The following CNNM2 variants were observed in gnomAD, a reference collection of about 807,000 sequenced individuals.
CNNM2 encodes the protein cyclin and CBS domain divalent metal cation transport mediator 2, also known as metal transporter CNNM2.
Under a neutral mutation model 66.9 loss-of-function variants are expected in CNNM2, and 12 were observed. The ratio of observed to expected loss-of-function variants is 0.18; its 90% CI spans 0.11 to 0.29. CNNM2 has a LOEUF of 0.29. Ranked by LOEUF, CNNM2 falls within the 10% of genes least tolerant of loss-of-function variation. CNNM2 has a pLI of 1.00. For synonymous variants in CNNM2, 557 were observed against 501.8 expected (o/e 1.11, Z -1.47); for missense variants, 705 against 1,167.7 (o/e 0.60, Z 5.77).
intron 1 of CNNM2, among the ~76,000 whole-genome samples, chr10:103,030,582 G>A (rs1234591403): frequency 6.6e-6 from 1 of 152,120 alleles, no homozygotes; most frequent in Non-Finnish European, 1.5e-5. Flanking sequence ...CAGGCGTGGT[G>A]GCACACCTGT....
chr10:102,987,580 C>T (rs2063820922), intron 1 of CNNM2, among the ~76,000 whole-genome samples: 1 of 152,044 alleles, frequency 6.6e-6, no homozygotes. Flanking sequence ...CTCGGCCTCC[C>T]AAAGTGCTGG....
intron 6 of CNNM2, among the ~76,000 whole-genome samples, chr10:103,075,371 A>G (rs1486272752): frequency 6.6e-6 from 1 of 152,158 alleles, no homozygotes. Context: ...AGCCACAGTG[A>G]ACTTCCATTT....
At chr10:103,012,362 C>T (rs2064359391) in intron 1 of CNNM2, among the ~76,000 whole-genome samples, 2 of 152,048 alleles carry the variant, frequency 1.3e-5, no homozygotes, top group Non-Finnish European at 1.5e-5. Flanking sequence ...TTCTTATTGC[C>T]AGGCTGGGCA....
chr10:103,064,151 C>T (rs557421942), intron 4 of CNNM2, among the ~76,000 whole-genome samples: 40 of 152,240 alleles, frequency 2.6e-4, no homozygotes, highest in African/African-American at 9.2e-4. Flanking sequence ...TAATCTGTTG[C>T]AACTTTATAT....
intron 1 of CNNM2, among the ~76,000 whole-genome samples, chr10:102,933,195 G>T (rs1180318641): frequency 6.6e-6 from 1 of 152,136 alleles, no homozygotes; most frequent in African/African-American, 2.4e-5. Context: ...TTACATAGGG[G>T]CATTGCATCT....
rs2064060778 is a variant in CNNM2, at chr10:102,999,074, TTCTTTTTTTTTTTTGAGACGGAG to T, written c.1622-50628_1622-50606del. 4.0e-5 allele frequency among the ~76,000 whole-genome samples: 6 copies of T among 149,166 alleles called. No homozygotes were observed. The South Asian group carries it at 1.3e-3, about 32-fold the overall frequency. ...CAAAAAAATCGCTTATATTTCTTTT[TTCTTTTTTTTTTTTGAGACGGAG>T]TCTTGCTCTGTCTCCCAGGCTTGAG... On this transcript the variant is annotated intron_variant, in intron 1 of 7. Transcript: ENST00000369878.
chr10:102,945,389 C>A (rs568584675), intron 1 of CNNM2, among the ~76,000 whole-genome samples: 2 of 152,124 alleles, frequency 1.3e-5, no homozygotes, highest in African/African-American at 4.8e-5. Context: ...TCTTAGTGAC[C>A]CCTAACCAAT....
intron 4 of CNNM2, among the ~76,000 whole-genome samples, chr10:103,067,286 T>C (rs1012685785): frequency 3.9e-5 from 6 of 151,996 alleles, no homozygotes; most frequent in Non-Finnish European, 7.4e-5. Context: ...CAGGCTGATC[T>C]TGAACTCCTG....
intron 1 of CNNM2, among the ~76,000 whole-genome samples, chr10:102,932,917 A>C (rs547015945): frequency 9.5e-6 from 1 of 105,178 alleles, no homozygotes; most frequent in Non-Finnish European, 2.3e-5. Context: ...ACTCTGTCTC[A>C]AAAAAAAAAA....
intron 1 of CNNM2, among the ~76,000 whole-genome samples, chr10:102,978,725 C>T (rs1171526038): frequency 6.6e-6 from 1 of 152,134 alleles, no homozygotes; most frequent in African/African-American, 2.4e-5. Flanking sequence ...TGTGTGTGAC[C>T]AGCGCCCAGA....
Position 103,049,784 on chromosome 10 carries a change from G to A in CNNM2, c.1699G>A (p.Val567Ile), listed in dbSNP as rs1402194113. ...TCCATTTTATGAAGTTCTGGGAATCGTCACCTTAGAAGATGTGATTGAAGA... is the reference window on the plus strand; with the variant it reads ...TCCATTTTATGAAGTTCTGGGAATCATCACCTTAGAAGATGTGATTGAAGA... ...GDPFYEVLGI[V>I]TLEDVIEEII... The change falls in exon 2 of 8, where the codon GTC becomes ATC. Residue 567 changes from valine to isoleucine, a missense_variant. Val to Ile is a conservative substitution (Grantham distance 29). Around this residue, in one of 9 missense-constraint regions of CNNM2, gnomAD observed 171 missense variants for 304.8 expected, o/e 0.56. Coordinates refer to ENST00000369878, the MANE Select transcript of CNNM2 (RefSeq NM_017649.5). 1.9e-6 allele frequency: 3 copies of A among 1,613,588 alleles called. No homozygotes were observed. The highest frequency in any genetic ancestry group is 1.7e-5 in the Admixed American group (1 of 60,000).
At chr10:102,926,864 C>A (rs1414172681) in intron 1 of CNNM2, among the ~76,000 whole-genome samples, 2 of 151,868 alleles carry the variant, frequency 1.3e-5, no homozygotes, top group African/African-American at 4.8e-5. Flanking sequence ...TACAGGCACC[C>A]GCTGCCATGC....
chr10:102,977,673 T>C (rs1218548561), intron 1 of CNNM2, among the ~76,000 whole-genome samples: 2 of 152,076 alleles, frequency 1.3e-5, no homozygotes. Context: ...ATGCAAAAAT[T>C]AGCCGAGTGT....
At chr10:102,981,969 C>T (rs2063727631) in intron 1 of CNNM2, among the ~76,000 whole-genome samples, 1 of 151,860 alleles carries the variant, frequency 6.6e-6, no homozygotes, top group Admixed American at 6.6e-5. Flanking sequence ...GTGCTTTTCT[C>T]ATGGTAACAG....
At chr10:102,954,126 C>CTTTTTTTTTTTTTTT (rs35543663) in intron 1 of CNNM2, among the ~76,000 whole-genome samples, 1 of 133,078 alleles carries the variant, frequency 7.5e-6, no homozygotes. Context: ...CTTTTCTTTT[C>CTTTTTTTTTTTTTTT]TTTTTTTTTT....
At chr10:102,965,168 A>G (rs1055542147) in intron 1 of CNNM2, among the ~76,000 whole-genome samples, 1 of 152,242 alleles carries the variant, frequency 6.6e-6, no homozygotes, top group Non-Finnish European at 1.5e-5. Flanking sequence ...CTGCTATAGC[A>G]GTACAAACTG....
Position 103,078,062 on chromosome 10 carries a change from C to A in CNNM2, c.*882C>A. On this transcript the variant is annotated 3_prime_UTR_variant, in exon 8 of 8. Coordinates refer to ENST00000369878, the MANE Select transcript of CNNM2 (RefSeq NM_017649.5). ...CCTAAGCTCACAGAGTGTCGTCGCC[C>A]ACCTCCCTGGTCCTTGCTCTTGTTA... 6.6e-6 allele frequency: 1 copy of A among 152,664 alleles called. No individual in the cohort carries two copies. 9.5% of individuals were successfully genotyped at this position (152,664 alleles called of 1,614,324 possible).
chr10:103,000,594 C>T (rs867521167), intron 1 of CNNM2, among the ~76,000 whole-genome samples: 7 of 152,046 alleles, frequency 4.6e-5, no homozygotes, highest in Non-Finnish European at 8.8e-5. Flanking sequence ...GCTGGGATTA[C>T]AGGTGCGTGC....
chr10:103,036,402 CATGAAGTCCCAT>C (rs2064939916), intron 1 of CNNM2, among the ~76,000 whole-genome samples: 3 of 152,152 alleles, frequency 2.0e-5, no homozygotes, highest in South Asian at 2.1e-4. Context: ...AAAGTCAACC[CATGAAGTCCCAT>C]TAGGGACTTC....
Sources: gnomAD v4.1 joint callset for allele counts (sites outside exome capture counted in the v4.1 genomes callset) on GRCh38, gnomAD v4.1.1 for gene constraint, gnomAD v4.1.1 regional missense constraint, MANE v1.5 for transcripts, NCBI Gene and HGNC (gene_info 2026-07-23, HGNC 2026-07-21) for gene names.